Variants in ASTN2 observed in about 807,000 individuals in gnomAD.
The protein encoded by ASTN2 is astrotactin 2, also known as astrotactin-2.
In ASTN2, 54 loss-of-function variants were observed where a neutral mutation model predicts 139.8. The ratio of observed to expected loss-of-function variants is 0.39; its 90% confidence interval spans 0.31 to 0.48. The LOEUF is 0.48. ASTN2 is among the 20% of genes least tolerant of loss of function. The probability of loss-of-function intolerance (pLI) is 0.95; values close to 1 mark genes in which losing one functional copy is unlikely to be tolerated. For synonymous variants in ASTN2, 756 were observed against 719.5 expected, an observed-to-expected ratio of 1.05 and a Z score of -0.81; for missense variants, 1,565 against 1,725.1, an observed-to-expected ratio of 0.91 and a Z score of 1.64.
chr9:116,809,278 G>A (rs1831105437), intron 12 of ASTN2, among the ~76,000 whole-genome samples: 2 of 152,056 alleles, frequency 1.3e-5, no homozygotes, highest in South Asian at 2.1e-4. Context: ...TAGTGTGAGT[G>A]TTTATTTTAA....
intron 13 of ASTN2, among the ~76,000 whole-genome samples, chr9:116,770,296 A>AT (rs971968327): frequency 5.3e-5 from 8 of 151,890 alleles, no homozygotes; most frequent in Admixed American, 1.3e-4. Flanking sequence ...AAGATAGTTG[A>AT]TTTTTTTTAT....
At chr9:116,582,602 CTTTG>C (rs953415442) in intron 19 of ASTN2, 14 of 152,178 alleles carry the variant, frequency 9.2e-5, no homozygotes, top group Non-Finnish European at 1.6e-4. Context: ...GTTATTGTAC[CTTTG>C]TTTGTTTATT....
chr9:117,334,689 C>G (rs1285419661), intron 1 of ASTN2, among the ~76,000 whole-genome samples: 1 of 152,078 alleles, frequency 6.6e-6, no homozygotes, highest in Non-Finnish European at 1.5e-5. Flanking sequence ...CCTCCTGTGG[C>G]TCACTCTTCT....
chr9:116,556,070 A>T (rs1852599143), intron 19 of ASTN2, among the ~76,000 whole-genome samples: 1 of 152,188 alleles, frequency 6.6e-6, no homozygotes, highest in African/African-American at 2.4e-5. Context: ...TGTACTGAGG[A>T]TACAGTGGAG....
intron 16 of ASTN2, among the ~76,000 whole-genome samples, chr9:116,713,202 G>A (rs928178049): frequency 6.6e-6 from 1 of 152,126 alleles, no homozygotes; most frequent in Non-Finnish European, 1.5e-5. Flanking sequence ...CTTTCTAGTT[G>A]TAAACTTCAA....
intron 1 of ASTN2, among the ~76,000 whole-genome samples, chr9:117,376,586 C>T (rs1195961026): frequency 6.6e-6 from 1 of 152,122 alleles, no homozygotes; most frequent in African/African-American, 2.4e-5. Context: ...ATTTTTCCTT[C>T]TCAGCAGCCA....
intron 19 of ASTN2, among the ~76,000 whole-genome samples, chr9:116,608,055 G>A (rs1193993806): frequency 1.3e-5 from 2 of 152,186 alleles, no homozygotes; most frequent in Non-Finnish European, 1.5e-5. Flanking sequence ...AACAAATTAT[G>A]TGAGCCCTAA....
At chr9:116,495,131 A>G (rs1312984337) in intron 19 of ASTN2, among the ~76,000 whole-genome samples, 2 of 152,322 alleles carry the variant, frequency 1.3e-5, no homozygotes, top group East Asian at 3.9e-4. Context: ...AAGGGCTCCA[A>G]AAAAAGGGAA....
rs67475291 is a variant in ASTN2 at position 117,358,261 on chromosome 9, GACACACACACACACACAC to G, written c.442+56218_442+56235del. 5.6e-4 allele frequency among the ~76,000 whole-genome samples: 82 copies of G among 146,892 alleles called. No individual in the cohort carries two copies. In the East Asian group the frequency reaches 0.016, roughly 28 times the overall value. On this transcript the variant is annotated intron_variant, in intron 1 of 22. Transcript: ENST00000313400. ...GGTAATACATATGCATACATGTGCA[GACACACACACACACACAC>G]ACACACACACACACACATACACATC...
intron 20 of ASTN2, among the ~76,000 whole-genome samples, chr9:116,456,056 T>G (rs12684592): frequency 0.034 from 5,103 of 151,672 alleles, 119 homozygotes; most frequent in East Asian, 0.071. Flanking sequence ...GCATCTAAAT[T>G]GGAAAAAATG....
chr9:117,120,018 G>GTATGTATATATATATATA (rs1554780401), intron 4 of ASTN2, among the ~76,000 whole-genome samples: 3 of 45,998 alleles, frequency 6.5e-5, no homozygotes, highest in Admixed American at 3.0e-4. Context: ...GTGTGTGTGT[G>GTATGTATATATATATATA]TATATATATA....
intron 1 of ASTN2, among the ~76,000 whole-genome samples, chr9:117,366,034 C>G (rs1204405821): frequency 6.6e-6 from 1 of 152,160 alleles, no homozygotes; most frequent in Non-Finnish European, 1.5e-5. Context: ...TATCCAAGGC[C>G]TCTGTTCGTT....
At chr9:116,891,091 T>TCAGTA in intron 10 of ASTN2, among the ~76,000 whole-genome samples, 1 of 152,162 alleles carries the variant, frequency 6.6e-6, no homozygotes, top group African/African-American at 2.4e-5. Flanking sequence ...ATCTAATGTA[T>TCAGTA]TCATTGTTCA....
chr9:116,635,839 G>A (rs909394078), intron 17 of ASTN2, among the ~76,000 whole-genome samples: 3 of 152,186 alleles, frequency 2.0e-5, no homozygotes, highest in East Asian at 3.8e-4. Flanking sequence ...GCTAATAGAT[G>A]GTTTTCATTG....
At chr9:117,126,113 A>T (rs1829683346) in intron 4 of ASTN2, among the ~76,000 whole-genome samples, 1 of 146,604 alleles carries the variant, frequency 6.8e-6, no homozygotes, top group South Asian at 2.2e-4. Flanking sequence ...CATATTCTTA[A>T]TAATAATTAG....
At chr9:116,521,426 G>A (rs1311337178) in intron 19 of ASTN2, among the ~76,000 whole-genome samples, 1 of 152,084 alleles carries the variant, frequency 6.6e-6, no homozygotes, top group Non-Finnish European at 1.5e-5. Context: ...AATGGTGCTG[G>A]GATATTGGCA....
At chr9:116,775,685 G>A (rs1555921) in intron 13 of ASTN2, among the ~76,000 whole-genome samples, 46,079 of 121,166 alleles carry the variant, frequency 0.38, 9,431 homozygotes, top group Middle Eastern at 0.43. Context: ...GAGGGAGGGA[G>A]GGAGAAAGGA....
intron 19 of ASTN2, among the ~76,000 whole-genome samples, chr9:116,538,335 A>T (rs1370552902): frequency 6.6e-6 from 1 of 152,126 alleles, no homozygotes; most frequent in African/African-American, 2.4e-5. Flanking sequence ...GAAGCAAGGA[A>T]AGAAGCGAGG....
intron 4 of ASTN2, among the ~76,000 whole-genome samples, chr9:117,133,624 G>A (rs1043452691): frequency 6.6e-6 from 1 of 152,192 alleles, no homozygotes; most frequent in Non-Finnish European, 1.5e-5. Context: ...GTGCACTTGA[G>A]AGTAATTAAG....
Sources: allele counts gnomAD v4.1 joint callset (sites outside exome capture counted in the v4.1 genomes callset), GRCh38; gene constraint gnomAD v4.1.1; transcripts MANE v1.5; gene names NCBI Gene and HGNC (gene_info 2026-07-23, HGNC 2026-07-21).